The following SLC4A4 variants were observed in gnomAD, a reference collection of about 807,000 sequenced individuals.
SLC4A4 encodes solute carrier family 4 member 4.
Under a neutral mutation model 111.5 loss-of-function variants are expected in SLC4A4, and 27 were observed. That is an observed-to-expected ratio of 0.24 (90% CI 0.18 to 0.33). The LOEUF is 0.33. Among genes scored for constraint, SLC4A4 ranks in the 10% least tolerant of loss-of-function variants. The pLI is 1.00. For synonymous variants in SLC4A4, 443 were observed against 463.4 expected (o/e 0.96, Z 0.57); for missense variants, 909 against 1,315.5 (o/e 0.69, Z 4.78).
chr4:71,466,365 G>A, intron 12 of SLC4A4, 79 bp from the exon 13 acceptor site: 1 of 1,535,332 alleles, frequency 6.5e-7, no homozygotes, highest in Non-Finnish European at 9.0e-7. Context: ...TATTCACGTG[G>A]CTTTATTTGC....
chr4:71,103,667 G>C (rs560709531), intron 2 of SLC4A4, among the ~76,000 whole-genome samples: 1 of 152,036 alleles, frequency 6.6e-6, no homozygotes, highest in African/African-American at 2.4e-5. Flanking sequence ...GCTCCTGAAT[G>C]ACTACCGGAT....
At chr4:71,065,231 CA>C (rs1353708633) in intron 1 of SLC4A4, among the ~76,000 whole-genome samples, 5 of 152,154 alleles carry the variant, frequency 3.3e-5, no homozygotes, top group Non-Finnish European at 7.3e-5. Context: ...TTCAACCATT[CA>C]AATAACATTT....
chr4:71,068,061 CG>C lies in SLC4A4; in HGVS notation c.-65+5274del, dbSNP rs745564420. Among the ~76,000 whole-genome samples the C allele has an allele frequency of 9.5e-3, 1,263 of 132,338 alleles. 97 individuals are homozygous for C. The highest frequency in any genetic ancestry group is 0.033 in the African/African-American group (1,153 of 34,424). 86.8% of individuals were successfully genotyped at this position (132,338 alleles called of 152,430 possible). A position where few individuals can be genotyped will look rare whatever the true frequency, so the allele number is the denominator to read the frequency against. On this transcript the variant is annotated intron_variant, in intron 1 of 26. Transcript: ENST00000649996. ...ACTGCATATGGCCTTTTTGAACAAA[CG>C]TTTTTTTTTTTTTTTTTTTGAGATG...
At chr4:71,435,873 A>G (rs930062766) in intron 7 of SLC4A4, among the ~76,000 whole-genome samples, 1 of 152,260 alleles carries the variant, frequency 6.6e-6, no homozygotes, top group Non-Finnish European at 1.5e-5. Flanking sequence ...ATCTCATGCC[A>G]GTTAGAATGG....
At chr4:71,476,995 AG>A (rs1316578794) in intron 14 of SLC4A4, among the ~76,000 whole-genome samples, 1 of 151,810 alleles carries the variant, frequency 6.6e-6, no homozygotes. Flanking sequence ...TTAGTTCAAA[AG>A]CCAAAAGTGA....
chr4:71,223,892 C>T (rs931916412), intron 1 of SLC4A4, among the ~76,000 whole-genome samples: 4 of 152,130 alleles, frequency 2.6e-5, no homozygotes, highest in Non-Finnish European at 5.9e-5. Context: ...TCTGCTTCTG[C>T]CCCTCAGGAA....
intron 3 of SLC4A4, among the ~76,000 whole-genome samples, chr4:71,295,385 T>C (rs957197991): frequency 1.6e-4 from 24 of 152,300 alleles, no homozygotes; most frequent in African/African-American, 5.1e-4. Flanking sequence ...GGTACTTTCA[T>C]TGTGGGATGT....
chr4:71,139,733 G>A (rs1489520580), intron 2 of SLC4A4, among the ~76,000 whole-genome samples: 1 of 151,948 alleles, frequency 6.6e-6, no homozygotes, highest in Non-Finnish European at 1.5e-5. Flanking sequence ...CATAGTATTT[G>A]TACATATTTA....
At chr4:71,316,855 C>T (rs746541485) in intron 3 of SLC4A4, among the ~76,000 whole-genome samples, 1 of 152,002 alleles carries the variant, frequency 6.6e-6, no homozygotes, top group Non-Finnish European at 1.5e-5. Context: ...GCTTTGAGCT[C>T]CATCCATGTC....
At chr4:71,084,954 G>C (rs1418272349) in intron 1 of SLC4A4, among the ~76,000 whole-genome samples, 3 of 152,150 alleles carry the variant, frequency 2.0e-5, no homozygotes, top group African/African-American at 7.2e-5. Flanking sequence ...GGCATTGCTT[G>C]CTATAGATCC....
intron 16 of SLC4A4, among the ~76,000 whole-genome samples, chr4:71,529,371 A>C (rs532810828): frequency 4.6e-5 from 7 of 152,218 alleles, no homozygotes; most frequent in Admixed American, 3.9e-4. Flanking sequence ...ACCTTAAATA[A>C]TTTCTTAAAG....
intron 2 of SLC4A4, among the ~76,000 whole-genome samples, chr4:71,172,128 A>T (rs754242106): frequency 1.3e-4 from 20 of 152,350 alleles, no homozygotes; most frequent in Admixed American, 5.2e-4. Context: ...CCTTGGATCA[A>T]AGTTACTTAA....
At chr4:71,380,596 C>T (rs1578965610) in intron 6 of SLC4A4, among the ~76,000 whole-genome samples, 1 of 152,174 alleles carries the variant, frequency 6.6e-6, no homozygotes, top group Non-Finnish European at 1.5e-5. Flanking sequence ...AAATGCAGAA[C>T]CAACCCCCAG....
At chr4:71,300,401 T>C in intron 3 of SLC4A4, 1 of 233,224 alleles carries the variant, frequency 4.3e-6, no homozygotes, top group Admixed American at 4.1e-5. Context: ...CGAAGAGGCA[T>C]GGGATGCTGC....
At chr4:71,344,293 G>A (rs939140523) in intron 4 of SLC4A4, among the ~76,000 whole-genome samples, 2 of 152,148 alleles carry the variant, frequency 1.3e-5, no homozygotes, top group South Asian at 2.1e-4. Flanking sequence ...TTGGAGAGGC[G>A]TGGAGTGAAT....
chr4:71,285,428 G>T (rs1476192219), intron 3 of SLC4A4, among the ~76,000 whole-genome samples: 2 of 152,080 alleles, frequency 1.3e-5, no homozygotes, highest in Admixed American at 1.3e-4. Context: ...TGCCTGTATT[G>T]ATCACAGTCC....
intron 2 of SLC4A4, among the ~76,000 whole-genome samples, chr4:71,150,220 T>C (rs1744277331): frequency 6.6e-6 from 1 of 152,164 alleles, no homozygotes; most frequent in Non-Finnish European, 1.5e-5. Flanking sequence ...TACACATTGA[T>C]GTTGCCTAGG....
At chr4:71,437,753 C>A (rs764746749) in intron 7 of SLC4A4, 2 of 298,306 alleles carry the variant, frequency 6.7e-6, no homozygotes, top group Non-Finnish European at 1.3e-5. Context: ...AAATTCTTGG[C>A]AAGTTCAAGC....
At chr4:71,107,282 G>C (rs1742957983) in intron 2 of SLC4A4, among the ~76,000 whole-genome samples, 1 of 152,004 alleles carries the variant, frequency 6.6e-6, no homozygotes, top group Non-Finnish European at 1.5e-5. Flanking sequence ...TTTTCTATAT[G>C]TCTTATATCT....
Sources: allele counts gnomAD v4.1 joint callset (sites outside exome capture counted in the v4.1 genomes callset), GRCh38; gene constraint gnomAD v4.1.1; transcripts MANE v1.5; gene names NCBI Gene and HGNC (gene_info 2026-07-23, HGNC 2026-07-21).